NEK10: variants seen among roughly 807,000 people sequenced by gnomAD.
NEK10 encodes the protein NIMA related kinase 10.
Under a neutral mutation model 159.8 loss-of-function variants are expected in NEK10, and 122 were observed. The observed-to-expected ratio is 0.76, with a 90% CI of 0.66 to 0.89. The LOEUF (loss-of-function observed/expected upper bound fraction) is 0.89. Among genes scored for constraint, NEK10 ranks in the 40% least tolerant of loss-of-function variants. The pLI is 0.00. For synonymous variants in NEK10, 466 were observed against 457.1 expected, an observed-to-expected ratio of 1.02 and a Z score of -0.25; for missense variants, 1,342 against 1,323.1, an observed-to-expected ratio of 1.01 and a Z score of -0.22.
intron 22 of NEK10, among the ~76,000 whole-genome samples, chr3:27,276,858 G>T (rs62255586): frequency 0.23 from 35,327 of 152,068 alleles, 4,478 homozygotes; most frequent in Middle Eastern, 0.37. Flanking sequence ...AGAGCCTTCA[G>T]TGGCAAACAT....
At chr3:27,162,566 G>A in intron 30 of NEK10, 135 bp downstream of exon 30, 3 of 1,614,138 alleles carry the variant, frequency 1.9e-6, no homozygotes, top group Non-Finnish European at 2.5e-6. Flanking sequence ...AGCATGTGGG[G>A]TGGCACTTTC....
intron 3 of NEK10, among the ~76,000 whole-genome samples, chr3:27,347,166 T>C (rs1042231054): frequency 1.3e-5 from 2 of 152,194 alleles, no homozygotes; most frequent in Admixed American, 1.3e-4. Flanking sequence ...AAAGTTATAA[T>C]ATGTTGCACT....
At chr3:27,313,674 T>C (rs1423515608) in intron 7 of NEK10, among the ~76,000 whole-genome samples, 1 of 152,110 alleles carries the variant, frequency 6.6e-6, no homozygotes, top group African/African-American at 2.4e-5. Flanking sequence ...TCCCACCATA[T>C]GGTATATACA....
chr3:27,164,761 ACT>A (rs1451366983), intron 29 of NEK10, among the ~76,000 whole-genome samples: 1 of 151,970 alleles, frequency 6.6e-6, no homozygotes, highest in Admixed American at 6.6e-5. Context: ...CCTGAATCCC[ACT>A]CTCTTAAAAA....
intron 3 of NEK10, 65 bp downstream of exon 3, chr3:27,352,400 T>G: frequency 9.9e-7 from 1 of 1,005,216 alleles, no homozygotes; most frequent in African/African-American, 1.6e-5. Flanking sequence ...ATATGTTAAA[T>G]GGAGCCCTTT....
At chr3:27,253,549 C>T (rs35124627) in intron 23 of NEK10, among the ~76,000 whole-genome samples, 2,279 of 152,236 alleles carry the variant, frequency 0.015, 34 homozygotes, top group Non-Finnish European at 0.021. Flanking sequence ...GCAATGTGCC[C>T]ACAAACCCTT....
Position 27,107,452 on chromosome 3 carries a change from G to A in NEK10, c.*3820C>T, listed in dbSNP as rs537720400. ...TATGAAAAACAGCGTTCAAGTGTAA[G>A]CATATTGTTAGCAACACATTTCAAC... On this transcript the variant is annotated 3_prime_UTR_variant, in exon 36 of 36. Coordinates refer to ENST00000691995, the MANE Select transcript of NEK10 (RefSeq NM_001394966.1). 6.6e-6 allele frequency among the ~76,000 whole-genome samples: 1 copy of A among 152,246 alleles called. No homozygotes were observed. Among genetic ancestry groups the A allele is most frequent in the Admixed American group, 6.5e-5 (1 of 15,292 alleles).
At chr3:27,359,345 C>T (rs2048529518) in intron 1 of NEK10, among the ~76,000 whole-genome samples, 1 of 152,032 alleles carries the variant, frequency 6.6e-6, no homozygotes, top group Admixed American at 6.6e-5. Context: ...TGAACCCTAC[C>T]ACAAAAGGAA....
chr3:27,119,496 A>T (rs1180779276), intron 33 of NEK10, among the ~76,000 whole-genome samples: 2 of 152,218 alleles, frequency 1.3e-5, no homozygotes, highest in African/African-American at 2.4e-5. Context: ...GCAAAAAGAA[A>T]TAAAAGGAAA....
intron 14 of NEK10, among the ~76,000 whole-genome samples, chr3:27,296,703 CAT>C (rs1165816732): frequency 1.3e-5 from 2 of 152,084 alleles, no homozygotes; most frequent in African/African-American, 2.4e-5. Flanking sequence ...CACACACAAA[CAT>C]GTATATATAG....
chr3:27,201,630 C>A, intron 24 of NEK10, 50 bp from the exon 25 acceptor site: 1 of 1,339,710 alleles, frequency 7.5e-7, no homozygotes, highest in Non-Finnish European at 1.1e-6. Context: ...CCACGGATGT[C>A]TTTGAATAGT....
chr3:27,314,258 A>G, intron 7 of NEK10, 39 bp downstream of exon 7: 2 of 1,522,432 alleles, frequency 1.3e-6, no homozygotes, highest in Non-Finnish European at 9.0e-7. Flanking sequence ...CAGGCACAAA[A>G]TGAAAAGGCA....
chr3:27,131,873 A>G lies in NEK10; in HGVS notation c.3081+7T>C, dbSNP rs1353043443. 4.7e-6 allele frequency: 7 copies of G among 1,485,204 alleles called. No individual in the cohort carries two copies. The highest frequency in any genetic ancestry group is 4.2e-5 in the African/African-American group (3 of 72,184). 92.0% of individuals were successfully genotyped at this position (1,485,204 alleles called of 1,614,324 possible). ...GCAAAAGAATTCCTATATATAGAATACCATACCTTTTTAATTTCAGATTTC... is the reference window on the plus strand; with the variant it reads ...GCAAAAGAATTCCTATATATAGAATGCCATACCTTTTTAATTTCAGATTTC... On this transcript the variant is annotated splice_region_variant and intron_variant, in intron 32 of 35. Transcript: ENST00000691995.
At chr3:27,244,759 C>A (rs1021961781) in intron 23 of NEK10, among the ~76,000 whole-genome samples, 5 of 152,096 alleles carry the variant, frequency 3.3e-5, no homozygotes, top group Non-Finnish European at 1.5e-5. Context: ...CCCCTCTTCT[C>A]CCTTCCCTGT....
intron 23 of NEK10, among the ~76,000 whole-genome samples, chr3:27,232,537 A>G (rs915775874): frequency 2.0e-5 from 3 of 148,912 alleles, no homozygotes; most frequent in Non-Finnish European, 4.5e-5. Context: ...TATCATCATC[A>G]TTCTTCACAG....
chr3:27,155,784 AAAC>A (rs1487818122), intron 30 of NEK10, among the ~76,000 whole-genome samples: 1 of 152,088 alleles, frequency 6.6e-6, no homozygotes, highest in African/African-American at 2.4e-5. Flanking sequence ...GAATTAGAAA[AAAC>A]AATTCTAAAA....
intron 25 of NEK10, among the ~76,000 whole-genome samples, chr3:27,195,985 G>A (rs567091279): frequency 6.6e-6 from 1 of 152,254 alleles, no homozygotes; most frequent in East Asian, 1.9e-4. Flanking sequence ...ATGAAGTTAA[G>A]GGAGGAGACC....
intron 7 of NEK10, among the ~76,000 whole-genome samples, chr3:27,313,900 C>CG (rs1216864943): frequency 9.9e-5 from 15 of 151,984 alleles, no homozygotes; most frequent in Non-Finnish European, 4.4e-5. Context: ...TTAGTAGAGA[C>CG]GGGGTTTCAC....
chr3:27,280,884 G>C (rs1267793916), intron 22 of NEK10, among the ~76,000 whole-genome samples: 1 of 147,080 alleles, frequency 6.8e-6, no homozygotes, highest in Non-Finnish European at 1.5e-5. Flanking sequence ...ATATGTGTGT[G>C]TGTATATGTG....
Sources: allele counts gnomAD v4.1 joint callset (sites outside exome capture counted in the v4.1 genomes callset), GRCh38; gene constraint gnomAD v4.1.1; transcripts MANE v1.5; gene names NCBI Gene and HGNC (gene_info 2026-07-23, HGNC 2026-07-21).